The following LAMA3 variants were observed in gnomAD, a reference collection of about 807,000 sequenced individuals.
LAMA3 encodes laminin subunit alpha 3, also known as laminin subunit alpha-3.
Under a neutral mutation model 402.0 loss-of-function variants are expected in LAMA3, and 281 were observed. That is an observed-to-expected ratio of 0.70 (90% CI 0.63 to 0.77). The LOEUF is 0.77. Ranked by LOEUF, LAMA3 falls within the 30% of genes least tolerant of loss-of-function variation. The pLI, the probability that LAMA3 is intolerant of heterozygous loss-of-function variation, is 0.00. For synonymous variants in LAMA3, 1,431 were observed against 1,558.4 expected, an observed-to-expected ratio of 0.92 and a Z score of 1.93; for missense variants, 3,840 against 4,215.5, an observed-to-expected ratio of 0.91 and a Z score of 2.47.
At chr18:23,791,593 G>A (rs1246208711) in intron 12 of LAMA3, among the ~76,000 whole-genome samples, 1 of 151,912 alleles carries the variant, frequency 6.6e-6, no homozygotes, top group Non-Finnish European at 1.5e-5. Context: ...AATTAGCCAG[G>A]CATCGTGGTG....
At chr18:23,834,265 T>C (rs1474208479) in intron 24 of LAMA3, 3 of 426,388 alleles carry the variant, frequency 7.0e-6, no homozygotes, top group Non-Finnish European at 1.3e-5. Flanking sequence ...ACCTTTTTAT[T>C]TGATTCTCTA....
intron 12 of LAMA3, among the ~76,000 whole-genome samples, chr18:23,786,122 G>A (rs1441703073): frequency 6.6e-6 from 1 of 152,272 alleles, no homozygotes; most frequent in East Asian, 1.9e-4. Flanking sequence ...AGAGCATATA[G>A]CAAATGAAGA....
intron 42 of LAMA3, among the ~76,000 whole-genome samples, chr18:23,893,631 G>A (rs762704952): frequency 6.6e-6 from 1 of 152,104 alleles, no homozygotes; most frequent in African/African-American, 2.4e-5. Flanking sequence ...TATATGTGCT[G>A]TAGTTGGTGG....
chr18:23,940,136 C>G (rs866833080), intron 68 of LAMA3, among the ~76,000 whole-genome samples: 2 of 152,106 alleles, frequency 1.3e-5, no homozygotes, highest in Non-Finnish European at 2.9e-5. Context: ...TGTGGGGAAG[C>G]CTGTGAGAGA....
intron 74 of LAMA3, among the ~76,000 whole-genome samples, chr18:23,953,325 G>GTTTTTTT (rs60412950): frequency 1.5e-5 from 2 of 133,988 alleles, no homozygotes; most frequent in African/African-American, 2.8e-5. Context: ...CTGTAATTTT[G>GTTTTTTT]TTTTTTTTTT....
At chr18:23,781,727 G>T (rs910595283) in intron 11 of LAMA3, among the ~76,000 whole-genome samples, 2 of 152,282 alleles carry the variant, frequency 1.3e-5, no homozygotes, top group East Asian at 1.9e-4. Flanking sequence ...TGATAAGAAT[G>T]CTGTCTTCCT....
At chr18:23,713,248 C>T (rs1184855335) in intron 1 of LAMA3, among the ~76,000 whole-genome samples, 2 of 152,174 alleles carry the variant, frequency 1.3e-5, no homozygotes, top group African/African-American at 4.8e-5. Flanking sequence ...TGCTTGCCCT[C>T]AAAGGTGAAA....
intron 68 of LAMA3, among the ~76,000 whole-genome samples, chr18:23,939,672 A>G (rs1258147): frequency 6.6e-6 from 1 of 151,858 alleles, no homozygotes; most frequent in South Asian, 2.1e-4. Context: ...TAAGGATGAC[A>G]TTTTTTTTCT....
chr18:23,768,760 G>A (rs1185899710), intron 8 of LAMA3, among the ~76,000 whole-genome samples: 1 of 152,106 alleles, frequency 6.6e-6, no homozygotes, highest in East Asian at 1.9e-4. Context: ...GTGGTGGATT[G>A]GATAAAGAAA....
chr18:23,847,658 G>T lies in LAMA3; in HGVS notation c.4126G>T (p.Gly1376Trp). Residue 1376 changes from glycine to tryptophan, a missense_variant, in exon 32 of 75, where the codon GGG becomes TGG. Physicochemically the swap from Gly to Trp is radical, Grantham distance 184. Transcript: ENST00000313654. ...CATGCCGGAGTGTGACCGGGACAGC[G>T]GGCAGTGCAGGTGAGCTGGGGGAGT... ...AAMPECDRDSGQCRCKPRITG... is the reference protein window; with the variant it reads ...AAMPECDRDSWQCRCKPRITG... 6.2e-7 allele frequency: 1 copy of T among 1,613,298 alleles called. No homozygotes were observed. Among genetic ancestry groups the T allele is most frequent in the Non-Finnish European group, 8.5e-7 (1 of 1,179,828 alleles).
intron 44 of LAMA3, 131 bp from the exon 45 acceptor site, chr18:23,898,607 A>G: frequency 1.4e-6 from 1 of 710,878 alleles, no homozygotes; most frequent in Non-Finnish European, 2.6e-6. Context: ...ATTTCCAAGA[A>G]CCACATTTGT....
rs778150525 is a variant in LAMA3 at position 23,915,262 on chromosome 18, G to A, written c.7645-27G>A. On this transcript the variant is annotated intron_variant, in intron 58 of 74. Coordinates refer to ENST00000313654, the MANE Select transcript of LAMA3 (RefSeq NM_198129.4). The stretch of plus-strand genomic sequence containing the variant: ...TTGATTATTGTCCTTTGTTCAATTG[G>A]TGGAAGATGTTTTATTTCATTTTCA... 1.9e-6 allele frequency: 3 copies of A among 1,611,052 alleles called. No homozygotes were observed. In the South Asian group the frequency reaches 3.3e-5, roughly 18 times the overall value.
At chr18:23,855,218 G>A (rs116998732) in intron 32 of LAMA3, among the ~76,000 whole-genome samples, 2,219 of 152,298 alleles carry the variant, frequency 0.015, 27 homozygotes, top group Non-Finnish European at 0.018. Flanking sequence ...TAAAAGAAAC[G>A]TTCAGACCTT....
intron 60 of LAMA3, 45 bp from the exon 61 acceptor site, chr18:23,920,890 C>T: frequency 6.2e-6 from 10 of 1,612,088 alleles, no homozygotes; most frequent in Non-Finnish European, 8.5e-6. Flanking sequence ...TCTGCCTCTT[C>T]TTCAGCCAAG....
chr18:23,882,621 AAAAAG>A (rs2064938166), intron 40 of LAMA3, among the ~76,000 whole-genome samples: 1 of 152,064 alleles, frequency 6.6e-6, no homozygotes, highest in Admixed American at 6.5e-5. Context: ...AAAAAAAAAA[AAAAAG>A]AAAACAAACA....
intron 12 of LAMA3, among the ~76,000 whole-genome samples, chr18:23,801,934 C>T (rs2062872839): frequency 6.6e-6 from 1 of 152,086 alleles, no homozygotes; most frequent in South Asian, 2.1e-4. Flanking sequence ...TTTTGTTTTA[C>T]ATACATATAA....
intron 16 of LAMA3, 69 bp from the exon 17 acceptor site, chr18:23,815,399 T>A: frequency 6.9e-7 from 1 of 1,452,794 alleles, no homozygotes; most frequent in East Asian, 2.3e-5. Context: ...GTGAGGCAGT[T>A]TTCAATCTTG....
chr18:23,916,405 G>A lies in LAMA3; in HGVS notation c.7779-146G>A, dbSNP rs1236750881. ...CTGGCTGCCTTAACATTTTAAAGAT[G>A]TCTCCTCTGCTTTAACAAAATTATG... On this transcript the variant is annotated intron_variant, in intron 59 of 74. Coordinates refer to ENST00000313654, the MANE Select transcript of LAMA3 (RefSeq NM_198129.4). 5.9e-5 allele frequency: 51 copies of A among 863,504 alleles called. No homozygotes were observed. The Admixed American group carries it at 6.5e-4, about 11-fold the overall frequency. 53.5% of individuals were successfully genotyped at this position (863,504 alleles called of 1,614,324 possible). A position where few individuals can be genotyped will look rare whatever the true frequency, so the allele number is the denominator to read the frequency against.
rs2061742635 is a variant in LAMA3, at chr18:23,751,047, C to T, written c.814C>T (p.Leu272Phe). ...FLRTNTLLGH[L>F]ISKAQRDPTV... ...TAGAACCAATACGCTTCTTGGACAC[C>T]TCATCTCCAAAGCCCAGCGAGATCC... is the stretch of plus-strand genomic sequence containing the variant. Residue 272 changes from leucine (L) to phenylalanine (F), a missense_variant, in exon 5 of 75, where the codon CTC (leucine) becomes TTC (phenylalanine). Physicochemically the swap from Leu to Phe is conservative, Grantham distance 22. This residue lies in a region of LAMA3 where 2,109 missense variants were observed against 2,376.0 expected (regional missense o/e 0.89). Coordinates refer to ENST00000313654, the MANE Select transcript of LAMA3 (RefSeq NM_198129.4). 1.2e-6 allele frequency: 2 copies of T among 1,614,102 alleles called. No homozygotes were observed. Among genetic ancestry groups the T allele is most frequent in the Non-Finnish European group, 1.7e-6 (2 of 1,180,008 alleles).
Sources: allele counts gnomAD v4.1 joint callset (sites outside exome capture counted in the v4.1 genomes callset), GRCh38; gene constraint gnomAD v4.1.1; regional missense constraint gnomAD v4.1.1; transcripts MANE v1.5; gene names NCBI Gene and HGNC (gene_info 2026-07-23, HGNC 2026-07-21).